XPO7: variants seen among roughly 807,000 people sequenced by gnomAD.
The protein encoded by XPO7 is exportin-7.
A neutral mutation model predicts 144.3 loss-of-function variants in XPO7; 21 were observed. The observed-to-expected ratio is 0.15, with a 90% CI of 0.10 to 0.21. The LOEUF (loss-of-function observed/expected upper bound fraction) is 0.21, where lower values mean the gene tolerates loss of function less well. Ranked by LOEUF, XPO7 falls within the 10% of genes least tolerant of loss-of-function variation. The probability of loss-of-function intolerance (pLI) is 1.00; values close to 1 mark genes in which losing one functional copy is unlikely to be tolerated. For synonymous variants in XPO7, 580 were observed against 499.6 expected, an observed-to-expected ratio of 1.16 and a Z score of -2.15; for missense variants, 808 against 1,325.8, an observed-to-expected ratio of 0.61 and a Z score of 6.06.
At position 21,942,199 on chromosome 8, in the gene XPO7, T is replaced by C. The variant is rs145805840; in HGVS notation, c.18+22411T>C. ...CTGTGTTTAAAGTGGTGCAGGACTC[T>C]CAGGGGAAGCTTTTCATCATTTGTA... On this transcript the variant is annotated intron_variant, in intron 1 of 27. Coordinates refer to ENST00000252512, the MANE Select transcript of XPO7 (RefSeq NM_015024.5). 1.6e-3 allele frequency among the ~76,000 whole-genome samples: 237 copies of C among 152,344 alleles called. 1 individual carries two copies. The highest frequency in any genetic ancestry group is 2.6e-3 in the Non-Finnish European group (174 of 68,036).
At chr8:21,970,120 T>G in intron 3 of XPO7, 24 bp from the exon 4 acceptor site, 3 of 1,601,596 alleles carry the variant, frequency 1.9e-6, no homozygotes, top group East Asian at 2.2e-5. Flanking sequence ...TGGATTGGTT[T>G]TGTTTCTTGT....
At chr8:21,927,607 G>A (rs1288536898) in intron 1 of XPO7, among the ~76,000 whole-genome samples, 2 of 146,830 alleles carry the variant, frequency 1.4e-5, no homozygotes, top group African/African-American at 2.6e-5. Context: ...GTGCAGTGGC[G>A]CAATCTCGGC....
intron 1 of XPO7, among the ~76,000 whole-genome samples, chr8:21,955,725 T>C (rs1017152339): frequency 1.3e-4 from 4 of 31,348 alleles, no homozygotes; most frequent in African/African-American, 7.7e-4. Flanking sequence ...TGTGCTTACC[T>C]TTTTTTTTTT....
chr8:21,989,165 A>C, intron 16 of XPO7, 82 bp downstream of exon 16: 1 of 1,315,934 alleles, frequency 7.6e-7, no homozygotes, highest in Non-Finnish European at 1.1e-6. Flanking sequence ...TGCTCTTTCC[A>C]CTTCAGTTTA....
intron 8 of XPO7, among the ~76,000 whole-genome samples, chr8:21,978,887 C>A (rs1351206494): frequency 6.6e-6 from 1 of 152,186 alleles, no homozygotes; most frequent in Admixed American, 6.5e-5. Flanking sequence ...TGGTTGAAGC[C>A]AACTAGAAGC....
At chr8:21,935,443 G>A (rs1810791158) in intron 1 of XPO7, among the ~76,000 whole-genome samples, 1 of 152,188 alleles carries the variant, frequency 6.6e-6, no homozygotes, top group Admixed American at 6.5e-5. Context: ...AATAGTGAGA[G>A]TCAGGATTAA....
At chr8:21,935,070 T>C (rs536932538) in intron 1 of XPO7, among the ~76,000 whole-genome samples, 12 of 152,332 alleles carry the variant, frequency 7.9e-5, no homozygotes, top group African/African-American at 2.9e-4. Context: ...TATGTAGGCA[T>C]TACCAAGACC....
intron 4 of XPO7, 134 bp from the exon 5 acceptor site, chr8:21,971,742 T>C: frequency 1.8e-6 from 1 of 563,924 alleles, no homozygotes; most frequent in Non-Finnish European, 3.0e-6. Context: ...TTTTAAACTA[T>C]GATTCCTTGC....
chr8:21,953,599 G>A (rs1283912739), intron 1 of XPO7, among the ~76,000 whole-genome samples: 1 of 152,196 alleles, frequency 6.6e-6, no homozygotes, highest in Non-Finnish European at 1.5e-5. Flanking sequence ...CTGCCAAACT[G>A]TCTTGTAAAG....
chr8:21,967,466 G>T (rs1189325417), intron 2 of XPO7, among the ~76,000 whole-genome samples: 1 of 152,118 alleles, frequency 6.6e-6, no homozygotes, highest in African/African-American at 2.4e-5. Flanking sequence ...GAGTAGCTGG[G>T]ATCACAGGCA....
chr8:21,984,703 G>C lies in XPO7; in HGVS notation c.1335G>C (p.Gln445His). 6.2e-7 allele frequency: 1 copy of C among 1,613,946 alleles called. No homozygotes were observed. The highest frequency in any genetic ancestry group is 8.5e-7 in the Non-Finnish European group (1 of 1,179,872). ...GGCTGGTCCAGCAGCAGTTGGACCAGCTGTCCACCATTGGGCGTTGTGAAT... is the reference window on the plus strand; with the variant it reads ...GGCTGGTCCAGCAGCAGTTGGACCACCTGTCCACCATTGGGCGTTGTGAAT... ...DTGLVQQQLD[Q>H]LSTIGRCEYE... Residue 445 changes from glutamine to histidine, a missense_variant, in exon 12 of 28, where the codon CAG becomes CAC. Physicochemically the swap from Gln to His is conservative, Grantham distance 24. Around this residue, in one of 5 missense-constraint regions of XPO7, gnomAD observed 416 missense variants for 612.5 expected, o/e 0.68. Coordinates refer to ENST00000252512, the MANE Select transcript of XPO7 (RefSeq NM_015024.5).
intron 21 of XPO7, among the ~76,000 whole-genome samples, chr8:21,997,889 C>A (rs187747584): frequency 4.9e-4 from 75 of 152,078 alleles, no homozygotes; most frequent in African/African-American, 1.8e-3. Context: ...TGAGGTCTTA[C>A]CAACTTGAAT....
intron 3 of XPO7, 172 bp downstream of exon 3, chr8:21,969,748 G>A (rs772620878): frequency 7.7e-6 from 5 of 646,572 alleles, no homozygotes; most frequent in African/African-American, 7.3e-5. Context: ...TGAAGGGCCC[G>A]ACGCAATAAC....
chr8:22,002,029 A>G (rs1352586376), intron 24 of XPO7, 83 bp from the exon 25 acceptor site: 2 of 1,483,198 alleles, frequency 1.3e-6, no homozygotes, highest in Non-Finnish European at 1.8e-6. Flanking sequence ...ACGGTACCCT[A>G]ATGGATCTCA....
chr8:21,969,634 A>G, intron 3 of XPO7, 58 bp downstream of exon 3: 1 of 1,436,286 alleles, frequency 7.0e-7, no homozygotes, highest in Non-Finnish European at 9.7e-7. Flanking sequence ...GTGATGTGCT[A>G]GTAATAGTCA....
Position 22,002,225 on chromosome 8 carries a change from G to A in XPO7, c.2896G>A (p.Asp966Asn), listed in dbSNP as rs763544465. ...KRTTPLNQES[D>N]RFLHIMQQHP... Reference sequence around the variant, plus strand: ...GACCACACCCCTGAACCAGGAGAGCGACCGCTTTCTGCACATCATGCAGCA... The same window carrying A: ...GACCACACCCCTGAACCAGGAGAGCAACCGCTTTCTGCACATCATGCAGCA... Residue 966 changes from aspartate to asparagine, a missense_variant, in exon 25 of 28, where the codon GAC (aspartate) becomes AAC (asparagine). Coordinates refer to ENST00000252512, the MANE Select transcript of XPO7 (RefSeq NM_015024.5). The A allele has an allele frequency of 8.1e-6, 13 of 1,613,158 alleles. No individual in the cohort carries two copies. Among genetic ancestry groups the A allele is most frequent in the Admixed American group, 5.0e-5 (3 of 59,920 alleles).
At chr8:21,972,841 G>T (rs189285414) in intron 5 of XPO7, among the ~76,000 whole-genome samples, 6 of 152,268 alleles carry the variant, frequency 3.9e-5, no homozygotes, top group Non-Finnish European at 8.8e-5. Context: ...ACTGTGAGTT[G>T]GTCCTATTTC....
chr8:21,964,231 A>G (rs748129161), intron 1 of XPO7: 6 of 152,210 alleles, frequency 3.9e-5, no homozygotes, highest in Non-Finnish European at 5.9e-5. Context: ...ATTTTCTCTG[A>G]CCAAAGTGGC....
At chr8:21,949,206 GTTTA>G (rs951621637) in intron 1 of XPO7, among the ~76,000 whole-genome samples, 1 of 152,154 alleles carries the variant, frequency 6.6e-6, no homozygotes, top group African/African-American at 2.4e-5. Flanking sequence ...ACATAAAATT[GTTTA>G]TTCTCACCCT....
Sources: gnomAD v4.1 joint callset for allele counts (sites outside exome capture counted in the v4.1 genomes callset) on GRCh38, gnomAD v4.1.1 for gene constraint, gnomAD v4.1.1 regional missense constraint, MANE v1.5 for transcripts, NCBI Gene and HGNC (gene_info 2026-07-23, HGNC 2026-07-21) for gene names.